Variants in ENAH observed in about 807,000 individuals in gnomAD.
The protein encoded by ENAH is protein enabled homolog.
ENAH carries 23 observed loss-of-function variants against 78.7 expected under a neutral mutation model. The ratio of observed to expected loss-of-function variants is 0.29; its 90% confidence interval spans 0.21 to 0.41. The LOEUF (loss-of-function observed/expected upper bound fraction) is 0.41, where lower values mean the gene tolerates loss of function less well. Ranked by LOEUF, ENAH falls within the 10% of genes least tolerant of loss-of-function variation. ENAH has a pLI of 1.00. For synonymous variants in ENAH, 226 were observed against 241.0 expected, an observed-to-expected ratio of 0.94 and a Z score of 0.58; for missense variants, 544 against 691.0, an observed-to-expected ratio of 0.79 and a Z score of 2.39.
At chr1:225,510,997 G>A (rs1453313735) in intron 10 of ENAH, among the ~76,000 whole-genome samples, 1 of 151,842 alleles carries the variant, frequency 6.6e-6, no homozygotes, top group African/African-American at 2.4e-5. Flanking sequence ...CTCCAGCCTG[G>A]GCAACAGAGC....
chr1:225,643,685 G>A (rs1024096602), intron 1 of ENAH, among the ~76,000 whole-genome samples: 3 of 152,140 alleles, frequency 2.0e-5, no homozygotes, highest in Admixed American at 6.5e-5. Context: ...CCTGTAATCC[G>A]AGTGCTTTGG....
chr1:225,652,687 T>G lies in ENAH; in HGVS notation c.4A>C (p.Ser2Arg). The G allele has an allele frequency of 7.6e-7, 1 of 1,312,988 alleles. No individual in the cohort carries two copies. Among genetic ancestry groups the G allele is most frequent in the Non-Finnish European group, 9.7e-7 (1 of 1,033,964 alleles). The allele number at this position is 1,312,988 out of a possible 1,614,324, so 81.3% of individuals were successfully genotyped here. Reference sequence around the variant, plus strand: ...GCCCCCGCCCCGCGCGCCCCTCACCTCATGGTGCCGGCGGCGCAGAGGCTT... The same window carrying G: ...GCCCCCGCCCCGCGCGCCCCTCACCGCATGGTGCCGGCGGCGCAGAGGCTT... M[S>R]EQSICQARAA... is the part of the protein sequence containing the mutation. The change falls in exon 1 of 14, where the codon AGT (serine) becomes CGT (arginine). Residue 2 changes from serine (S) to arginine (R), a missense_variant and splice_region_variant. By Grantham distance (110) the Ser-to-Arg change is moderately radical (BLOSUM62 -1). Coordinates refer to ENST00000366843, the MANE Select transcript of ENAH (RefSeq NM_018212.6).
At chr1:225,651,233 A>G (rs1342604803) in intron 1 of ENAH, among the ~76,000 whole-genome samples, 1 of 152,168 alleles carries the variant, frequency 6.6e-6, no homozygotes, top group Non-Finnish European at 1.5e-5. Flanking sequence ...TCAGTCGCCT[A>G]GAGACACCAC....
chr1:225,593,160 C>CCA (rs1325466245), intron 1 of ENAH, among the ~76,000 whole-genome samples: 1 of 152,082 alleles, frequency 6.6e-6, no homozygotes, highest in Non-Finnish European at 1.5e-5. Flanking sequence ...GACCTTCCCC[C>CCA]CACACACAGA....
chr1:225,591,999 G>GGCTTAT (rs1325364427), intron 1 of ENAH, among the ~76,000 whole-genome samples: 2 of 152,058 alleles, frequency 1.3e-5, no homozygotes, highest in Admixed American at 1.3e-4. Flanking sequence ...TCTGTTCCCT[G>GGCTTAT]ATTTCTAGAG....
intron 11 of ENAH, among the ~76,000 whole-genome samples, chr1:225,505,335 TCAGGAGGCATG>T (rs1453862299): frequency 2.6e-5 from 4 of 152,178 alleles, no homozygotes; most frequent in African/African-American, 9.7e-5. Context: ...TTAACTCTTC[TCAGGAGGCATG>T]TAAAGGACTA....
In ENAH at chr1:225,652,694, G is replaced by A; in HGVS notation, c.-4C>T. 1 of 1,319,702 alleles carries A rather than the reference G, an allele frequency of 7.6e-7. No individual in the cohort carries two copies. Among genetic ancestry groups the A allele is most frequent in the Admixed American group, 3.7e-5 (1 of 26,756 alleles). 81.7% of individuals were successfully genotyped at this position (1,319,702 alleles called of 1,614,324 possible). Reference sequence around the variant, plus strand: ...CCCCGCGCGCCCCTCACCTCATGGTGCCGGCGGCGCAGAGGCTTCCCCACC... The same window carrying A: ...CCCCGCGCGCCCCTCACCTCATGGTACCGGCGGCGCAGAGGCTTCCCCACC... On this transcript the variant is annotated 5_prime_UTR_variant, in exon 1 of 14. Coordinates refer to ENST00000366843, the MANE Select transcript of ENAH (RefSeq NM_018212.6).
chr1:225,640,245 T>C (rs911206164), intron 1 of ENAH, among the ~76,000 whole-genome samples: 3 of 152,220 alleles, frequency 2.0e-5, no homozygotes, highest in Non-Finnish European at 4.4e-5. Flanking sequence ...ACTTGATTCA[T>C]TCTTCTTTCA....
Position 225,652,651 on chromosome 1 carries a change from T to A in ENAH, c.5+35A>T, listed in dbSNP as rs1473667527. ...GGGGGTCGCGGCTCCCGCGGCACAA[T>A]GGCCCGCCCGGCCCCCGCCCCGCGC... On this transcript the variant is annotated intron_variant, in intron 1 of 13. Coordinates refer to ENST00000366843, the MANE Select transcript of ENAH (RefSeq NM_018212.6). The A allele has an allele frequency of 6.3e-6, 8 of 1,264,074 alleles. No individual in the cohort carries two copies. The East Asian group carries it at 1.3e-4, about 20-fold the overall frequency. The allele number at this position is 1,264,074 out of a possible 1,614,324, so 78.3% of individuals were successfully genotyped here.
In ENAH at chr1:225,552,903, C is replaced by T. The variant is rs1053880200; in HGVS notation, c.349+2003G>A. On this transcript the variant is annotated intron_variant, in intron 3 of 13. Coordinates refer to ENST00000366843, the MANE Select transcript of ENAH (RefSeq NM_018212.6). ...CTTACAATAGAGAATGTAATTGAGT[C>T]TCTCCACATTAAGATTCATTAATTT... Among the ~76,000 whole-genome samples, 17 of 152,058 alleles carry T rather than the reference C, an allele frequency of 1.1e-4. 1 individual carries two copies. The highest frequency in any genetic ancestry group is 1.8e-4 in the Non-Finnish European group (12 of 68,026).
intron 1 of ENAH, among the ~76,000 whole-genome samples, chr1:225,616,813 T>C (rs1440380606): frequency 6.6e-6 from 1 of 152,092 alleles, no homozygotes; most frequent in Non-Finnish European, 1.5e-5. Flanking sequence ...TAAATTAAGA[T>C]TTGAAACCAG....
intron 1 of ENAH, among the ~76,000 whole-genome samples, chr1:225,575,521 A>C (rs2096783977): frequency 6.6e-6 from 1 of 152,216 alleles, no homozygotes; most frequent in Non-Finnish European, 1.5e-5. Context: ...TGTGTGCCAG[A>C]CATTATTCTA....
rs1008030169 is a variant in ENAH, at chr1:225,517,120, C to T, written c.913+76G>A. ...AAGGATCAAAACCATCCTACCCATCCATTCAGGCAATTAAAGTCACTGCTA... is the reference window on the plus strand; with the variant it reads ...AAGGATCAAAACCATCCTACCCATCTATTCAGGCAATTAAAGTCACTGCTA... On this transcript the variant is annotated intron_variant, in intron 6 of 13. Transcript: ENST00000366843. 34 of 1,236,928 alleles carry T rather than the reference C, an allele frequency of 2.7e-5. No individual in the cohort carries two copies. The African/African-American group carries it at 3.2e-4, about 12-fold the overall frequency. 76.6% of individuals were successfully genotyped at this position (1,236,928 alleles called of 1,614,324 possible).
intron 4 of ENAH, among the ~76,000 whole-genome samples, chr1:225,520,581 T>G (rs2151180692): frequency 6.6e-6 from 1 of 152,166 alleles, no homozygotes; most frequent in South Asian, 2.1e-4. Flanking sequence ...AAAGTTGGTC[T>G]GGGAGCAGTG....
chr1:225,510,237 T>G (rs1174912096), intron 10 of ENAH, among the ~76,000 whole-genome samples: 1 of 152,214 alleles, frequency 6.6e-6, no homozygotes, highest in Non-Finnish European at 1.5e-5. Context: ...TTTTCATATT[T>G]TATATAAGGG....
chr1:225,639,811 C>G (rs1462264914), intron 1 of ENAH, among the ~76,000 whole-genome samples: 1 of 151,744 alleles, frequency 6.6e-6, no homozygotes, highest in African/African-American at 2.4e-5. Context: ...GCCCTATGGT[C>G]CACTTGTTAC....
chr1:225,507,494 AAC>A (rs1166902276), intron 11 of ENAH, among the ~76,000 whole-genome samples: 7 of 152,102 alleles, frequency 4.6e-5, no homozygotes, highest in Non-Finnish European at 2.9e-5. Context: ...TCTTCCAAAA[AAC>A]ACTGAAGTAT....
At chr1:225,511,982 C>A in intron 9 of ENAH, 123 bp from the exon 10 acceptor site, 2 of 560,464 alleles carry the variant, frequency 3.6e-6, no homozygotes, top group South Asian at 3.2e-5. Context: ...TTTCATCGGT[C>A]TTCTCTCCCT....
chr1:225,581,348 T>C, intron 1 of ENAH: 1 of 949,696 alleles, frequency 1.1e-6, no homozygotes, highest in Non-Finnish European at 1.3e-6. Context: ...GTTAAAAATA[T>C]CAAGTGTGGC....
Sources: gnomAD v4.1 joint callset for allele counts (sites outside exome capture counted in the v4.1 genomes callset) on GRCh38, gnomAD v4.1.1 for gene constraint, MANE v1.5 for transcripts, NCBI Gene and HGNC (gene_info 2026-07-23, HGNC 2026-07-21) for gene names.